STK39: variants seen among roughly 807,000 people sequenced by gnomAD.
STK39 encodes STE20/SPS1-related proline-alanine-rich protein kinase.
A neutral mutation model predicts 77.8 loss-of-function variants in STK39; 20 were observed. The ratio of observed to expected loss-of-function variants is 0.26; its 90% confidence interval spans 0.18 to 0.37. STK39 has a LOEUF of 0.37. Among genes scored for constraint, STK39 ranks in the 10% least tolerant of loss-of-function variants. The probability of loss-of-function intolerance (pLI) is 1.00; values close to 1 mark genes in which losing one functional copy is unlikely to be tolerated. For synonymous variants in STK39, 246 were observed against 234.1 expected, an observed-to-expected ratio of 1.05 and a Z score of -0.47; for missense variants, 479 against 656.5, an observed-to-expected ratio of 0.73 and a Z score of 2.95.
intron 16 of STK39, among the ~76,000 whole-genome samples, chr2:167,996,857 C>T (rs962771281): frequency 6.6e-6 from 1 of 151,812 alleles, no homozygotes; most frequent in African/African-American, 2.4e-5. Context: ...AAAGGGTGAG[C>T]CTGAGGAGGA....
At chr2:167,961,413 C>A (rs1446878575) in intron 17 of STK39, among the ~76,000 whole-genome samples, 1 of 152,164 alleles carries the variant, frequency 6.6e-6, no homozygotes, top group Non-Finnish European at 1.5e-5. Flanking sequence ...TGTATTCTAT[C>A]TTCAAAGGCA....
At chr2:168,244,968 T>A (rs1690861394) in intron 1 of STK39, among the ~76,000 whole-genome samples, 1 of 152,210 alleles carries the variant, frequency 6.6e-6, no homozygotes, top group East Asian at 1.9e-4. Context: ...CAACTTAAAC[T>A]AAGATTTTAT....
intron 12 of STK39, 87 bp from the exon 13 acceptor site, chr2:168,065,468 C>A: frequency 7.6e-7 from 1 of 1,308,672 alleles, no homozygotes; most frequent in South Asian, 1.2e-5. Flanking sequence ...ATTATCAGAC[C>A]CAATAATTTC....
chr2:168,037,108 A>G (rs1394656631), intron 14 of STK39, among the ~76,000 whole-genome samples: 32 of 152,340 alleles, frequency 2.1e-4, no homozygotes. Flanking sequence ...GTCTTTTTAT[A>G]TAAGAGTGAG....
At chr2:168,036,928 C>T (rs1167133130) in intron 14 of STK39, among the ~76,000 whole-genome samples, 1 of 152,194 alleles carries the variant, frequency 6.6e-6, no homozygotes, top group Non-Finnish European at 1.5e-5. Context: ...CACTGGACTT[C>T]AGCAGGTAAT....
chr2:168,059,007 G>A (rs897810037), intron 14 of STK39, among the ~76,000 whole-genome samples: 5 of 152,188 alleles, frequency 3.3e-5, no homozygotes, highest in African/African-American at 1.2e-4. Context: ...CTAACTCTCT[G>A]TGCCCATGAC....
At chr2:168,005,612 T>C (rs558305953) in intron 16 of STK39, among the ~76,000 whole-genome samples, 2 of 152,302 alleles carry the variant, frequency 1.3e-5, no homozygotes, top group African/African-American at 4.8e-5. Flanking sequence ...TGCAATAAAA[T>C]AGAAGACAAG....
chr2:168,125,956 G>A lies in STK39; in HGVS notation c.1089+3585C>T, dbSNP rs1687530384. Among the ~76,000 whole-genome samples the A allele has an allele frequency of 1.3e-5, 2 of 152,138 alleles. 1 individual carries two copies. Among genetic ancestry groups the A allele is most frequent in the South Asian group, 4.1e-4 (2 of 4,828 alleles). On this transcript the variant is annotated intron_variant, in intron 10 of 17. Transcript: ENST00000355999. ...GGCTCCATGGGGCTTTCTAAGAACA[G>A]CCACAATACCAGCCCCTCTTCTCCT...
intron 16 of STK39, among the ~76,000 whole-genome samples, chr2:167,994,081 G>A (rs1323022313): frequency 6.6e-6 from 1 of 152,146 alleles, no homozygotes; most frequent in African/African-American, 2.4e-5. Context: ...ATACCAACCA[G>A]TGAACAGTTT....
chr2:168,074,515 GA>G (rs1686024350), intron 12 of STK39, among the ~76,000 whole-genome samples: 1 of 152,188 alleles, frequency 6.6e-6, no homozygotes, highest in African/African-American at 2.4e-5. Context: ...TTATTTGGAA[GA>G]TTTAAAAACC....
At chr2:168,159,940 A>T (rs3820861) in intron 5 of STK39, among the ~76,000 whole-genome samples, 25,555 of 152,124 alleles carry the variant, frequency 0.17, 2,185 homozygotes, top group East Asian at 0.25. Flanking sequence ...CAGCCCGCAC[A>T]GTGCAGGCAC....
chr2:168,193,274 C>A (rs1352308091), intron 1 of STK39, among the ~76,000 whole-genome samples: 1 of 152,196 alleles, frequency 6.6e-6, no homozygotes, highest in East Asian at 1.9e-4. Flanking sequence ...AGTCAGGTCA[C>A]CCTCTGCATG....
chr2:168,192,832 G>A (rs1689374469), intron 1 of STK39, among the ~76,000 whole-genome samples: 1 of 152,208 alleles, frequency 6.6e-6, no homozygotes, highest in East Asian at 1.9e-4. Flanking sequence ...CTAGAACCAG[G>A]TCCACTACAA....
At chr2:168,200,522 A>T (rs917318113) in intron 1 of STK39, among the ~76,000 whole-genome samples, 19 of 151,592 alleles carry the variant, frequency 1.3e-4, no homozygotes, top group African/African-American at 4.6e-4. Context: ...AAAAAAAAAT[A>T]AAAAATTAGC....
chr2:167,994,417 T>C (rs76734823), intron 16 of STK39, among the ~76,000 whole-genome samples: 2,124 of 152,166 alleles, frequency 0.014, 52 homozygotes, highest in African/African-American at 0.048. Context: ...TTTCATAGAA[T>C]TTGTTTTTTG....
intron 2 of STK39, among the ~76,000 whole-genome samples, chr2:168,176,064 T>C (rs1044668031): frequency 6.6e-6 from 1 of 152,180 alleles, no homozygotes; most frequent in African/African-American, 2.4e-5. Flanking sequence ...AGCTGGGATA[T>C]GAATTATTAA....
intron 1 of STK39, among the ~76,000 whole-genome samples, chr2:168,243,807 T>C (rs910737922): frequency 6.6e-6 from 1 of 152,168 alleles, no homozygotes; most frequent in Admixed American, 6.5e-5. Context: ...ATCTAGGTAA[T>C]ATTATTAACA....
At position 168,103,594 on chromosome 2, in the gene STK39, C is replaced by T. The variant is rs145846401; in HGVS notation, c.1089+25947G>A. Reference sequence around the variant, plus strand: ...GGCCCAGCAGGATAAAGGAAGAAAGCAATGATTCTTTGCACATTCATGAAT... The same window carrying T: ...GGCCCAGCAGGATAAAGGAAGAAAGTAATGATTCTTTGCACATTCATGAAT... On this transcript the variant is annotated intron_variant, in intron 10 of 17. Transcript: ENST00000355999. 3.1e-3 allele frequency among the ~76,000 whole-genome samples: 472 copies of T among 152,268 alleles called. 3 individuals are homozygous for T. Among genetic ancestry groups the T allele is most frequent in the African/African-American group, 0.011 (444 of 41,562 alleles).
At chr2:168,107,018 G>C (rs977279117) in intron 10 of STK39, among the ~76,000 whole-genome samples, 5 of 152,070 alleles carry the variant, frequency 3.3e-5, no homozygotes, top group African/African-American at 1.2e-4. Flanking sequence ...CCTGGAGAAG[G>C]GTGGTTGCTT....
Sources: allele counts gnomAD v4.1 joint callset (sites outside exome capture counted in the v4.1 genomes callset), GRCh38; gene constraint gnomAD v4.1.1; transcripts MANE v1.5; gene names NCBI Gene and HGNC (gene_info 2026-07-23, HGNC 2026-07-21).